ZNF827: variants seen among roughly 807,000 people sequenced by gnomAD.
ZNF827 encodes zinc finger protein 827.
Under a neutral mutation model 102.4 loss-of-function variants are expected in ZNF827, and 13 were observed. That is an observed-to-expected ratio of 0.13 (90% confidence interval 0.08 to 0.20). The LOEUF (loss-of-function observed/expected upper bound fraction) is 0.20, where lower values mean the gene tolerates loss of function less well. Among genes scored for constraint, ZNF827 ranks in the 10% least tolerant of loss-of-function variants. The pLI, the probability that ZNF827 is intolerant of heterozygous loss-of-function variation, is 1.00. For synonymous variants in ZNF827, 523 were observed against 536.2 expected (o/e 0.98, Z 0.34); for missense variants, 1,103 against 1,344.4 (o/e 0.82, Z 2.81).
intron 8 of ZNF827, among the ~76,000 whole-genome samples, chr4:145,819,207 G>A (rs1185756521): frequency 6.6e-6 from 1 of 151,986 alleles, no homozygotes; most frequent in African/African-American, 2.4e-5. Context: ...GGCTGCATCT[G>A]AAATAACACA....
In ZNF827 at chr4:145,763,099, T is replaced by A; in HGVS notation, c.*8A>T. Reference sequence around the variant, plus strand: ...CCAAGCTGGGCCTTACCTAGAGGAGTCTGAAACTCACCACTGTCCTGAGCT... The same window carrying A: ...CCAAGCTGGGCCTTACCTAGAGGAGACTGAAACTCACCACTGTCCTGAGCT... On this transcript the variant is annotated 3_prime_UTR_variant, in exon 14 of 15. Transcript: ENST00000508784. The surrounding 1 kb of genome is among the most constrained non-coding windows in gnomAD (Gnocchi z 4.6). The A allele has an allele frequency of 1.3e-6, 2 of 1,535,876 alleles. No individual in the cohort carries two copies. Among genetic ancestry groups the A allele is most frequent in the Non-Finnish European group, 1.7e-6 (2 of 1,146,832 alleles).
chr4:145,837,993 G>A (rs1204504677), intron 7 of ZNF827, among the ~76,000 whole-genome samples: 4 of 151,338 alleles, frequency 2.6e-5, no homozygotes, highest in Non-Finnish European at 5.9e-5. Flanking sequence ...AAAAATTTTC[G>A]CCACCCCAAC....
intron 8 of ZNF827, among the ~76,000 whole-genome samples, chr4:145,786,942 C>A (rs908781425): frequency 6.6e-6 from 1 of 152,218 alleles, no homozygotes; most frequent in African/African-American, 2.4e-5. Context: ...ATGCAGATGG[C>A]TGGCACTGGT....
intron 9 of ZNF827, among the ~76,000 whole-genome samples, chr4:145,778,437 A>G (rs980756904): frequency 6.6e-6 from 1 of 152,134 alleles, no homozygotes; most frequent in Non-Finnish European, 1.5e-5. Flanking sequence ...CCCGACAACA[A>G]AAACCTTTTT....
chr4:145,839,879 C>T (rs1184725167), intron 7 of ZNF827, among the ~76,000 whole-genome samples: 2 of 152,234 alleles, frequency 1.3e-5, no homozygotes, highest in Non-Finnish European at 2.9e-5. Flanking sequence ...AAGAAAGGCA[C>T]AGCCCTCTTC....
intron 5 of ZNF827, among the ~76,000 whole-genome samples, chr4:145,861,985 G>C (rs949159263): frequency 6.6e-6 from 1 of 152,188 alleles, no homozygotes; most frequent in Admixed American, 6.5e-5. Flanking sequence ...AAGCAAAAAG[G>C]GTAGCCTGAA....
chr4:145,778,307 T>C (rs2126965175), intron 9 of ZNF827, among the ~76,000 whole-genome samples: 1 of 152,286 alleles, frequency 6.6e-6, no homozygotes, highest in African/African-American at 2.4e-5. Context: ...CTAATTTTTG[T>C]ATTTTTAGTA....
At chr4:145,922,141 T>C (rs1241438077) in intron 1 of ZNF827, among the ~76,000 whole-genome samples, 3 of 152,094 alleles carry the variant, frequency 2.0e-5, no homozygotes, top group Non-Finnish European at 4.4e-5. Context: ...TTGGTGAAAA[T>C]ATTCAAAGTG....
At chr4:145,780,192 AAAAC>A (rs143206937) in intron 8 of ZNF827, among the ~76,000 whole-genome samples, 144,051 of 151,224 alleles carry the variant, frequency 0.95, 68,666 homozygotes, top group African/African-American at 0.97. Context: ...CGCTGTCTCA[AAAAC>A]AAACAAACAA....
chr4:145,783,196 C>A (rs1738349909), intron 8 of ZNF827, among the ~76,000 whole-genome samples: 1 of 152,170 alleles, frequency 6.6e-6, no homozygotes, highest in African/African-American at 2.4e-5. Context: ...ATTTGTGTAT[C>A]CTCAGCATTA....
chr4:145,912,786 C>G (rs940735748), intron 1 of ZNF827, among the ~76,000 whole-genome samples: 1 of 152,206 alleles, frequency 6.6e-6, no homozygotes, highest in African/African-American at 2.4e-5. Context: ...CGAGAGTGGC[C>G]TTGTGGACAC....
chr4:145,786,314 A>C (rs186255986), intron 8 of ZNF827, among the ~76,000 whole-genome samples: 4 of 152,290 alleles, frequency 2.6e-5, no homozygotes, highest in Admixed American at 2.6e-4. Flanking sequence ...ACCATCTCTC[A>C]ACCTGATTTT....
chr4:145,861,246 C>T (rs765978752), intron 5 of ZNF827, among the ~76,000 whole-genome samples: 2 of 152,192 alleles, frequency 1.3e-5, no homozygotes, highest in Non-Finnish European at 2.9e-5. Flanking sequence ...AATGAGAATG[C>T]TTTTGATATC....
chr4:145,816,895 C>T (rs1742643258), intron 8 of ZNF827, among the ~76,000 whole-genome samples: 1 of 152,196 alleles, frequency 6.6e-6, no homozygotes. Context: ...TAGAAATGTT[C>T]CTGCAAACTA....
chr4:145,833,723 GC>G (rs1744510252), intron 7 of ZNF827, among the ~76,000 whole-genome samples: 1 of 142,326 alleles, frequency 7.0e-6, no homozygotes, highest in African/African-American at 2.7e-5. Flanking sequence ...TTATTTCCGT[GC>G]CCCAACCTCT....
At position 145,920,766 on chromosome 4, in the gene ZNF827, T is replaced by G. The variant is rs543864794; in HGVS notation, c.44-17551A>C. On this transcript the variant is annotated intron_variant, in intron 1 of 14. Coordinates refer to ENST00000508784, the MANE Select transcript of ZNF827 (RefSeq NM_001306215.2). ...CTATGGGATTCCCCCCTTCTTAATT[T>G]CATTCATTTCTTCATTCAACAATAT... Among the ~76,000 whole-genome samples the G allele has an allele frequency of 3.3e-5, 5 of 152,350 alleles. No homozygotes were observed. The South Asian group carries it at 1.0e-3, about 32-fold the overall frequency.
chr4:145,892,524 T>G, intron 2 of ZNF827, 109 bp from the exon 3 acceptor site: 1 of 1,225,098 alleles, frequency 8.2e-7, no homozygotes, highest in Non-Finnish European at 1.1e-6. Context: ...ATGATTTGGG[T>G]TTTTTTCTTG....
At chr4:145,938,206 C>G (rs1754376632) in intron 1 of ZNF827, among the ~76,000 whole-genome samples, 159 bp downstream of exon 1, 1 of 151,996 alleles carries the variant, frequency 6.6e-6, no homozygotes, top group African/African-American at 2.4e-5. Flanking sequence ...GCTGCCTCAG[C>G]ATAGACCTAA....
chr4:145,938,399 C>T lies in ZNF827; in HGVS notation c.9G>A (p.Arg3=). The T allele has an allele frequency of 1.2e-6, 2 of 1,612,832 alleles. No individual in the cohort carries two copies. The highest frequency in any genetic ancestry group is 2.2e-5 in the East Asian group (1 of 44,810). The change falls in exon 1 of 15, where the codon AGG becomes AGA. Residue 3 remains arginine (R), a synonymous_variant. Transcript: ENST00000508784. The part of the protein sequence containing the change: MP[R]RKQEQPKRLP... ...GGCGCTTGGGCTGCTCCTGCTTCCT[C>T]CTGGGCATTTTCCCCCTTTTCTCAC...
Sources: allele counts gnomAD v4.1 joint callset (sites outside exome capture counted in the v4.1 genomes callset), GRCh38; gene constraint gnomAD v4.1.1; non-coding constraint Gnocchi (gnomAD v3.1); transcripts MANE v1.5; gene names NCBI Gene and HGNC (gene_info 2026-07-23, HGNC 2026-07-21).